DIPK2B: variants seen among roughly 807,000 people sequenced by gnomAD.
DIPK2B encodes UPF0672 protein CXorf36.
A neutral mutation model predicts 22.2 loss-of-function variants in DIPK2B; 15 were observed. That is an observed-to-expected ratio of 0.68 (90% confidence interval 0.45 to 1.04). The LOEUF (loss-of-function observed/expected upper bound fraction) is 1.04. DIPK2B is among the 50% of genes least tolerant of loss of function. The probability of loss-of-function intolerance (pLI) is 0.00; values close to 1 mark genes in which losing one functional copy is unlikely to be tolerated. For missense variants in DIPK2B, 345 were observed against 348.3 expected, an observed-to-expected ratio of 0.99 and a Z score of 0.08; for synonymous variants, 163 against 153.2, an observed-to-expected ratio of 1.06 and a Z score of -0.47.
chrX:45,199,941 A>T (rs1008756604), intron 1 of DIPK2B, among the ~76,000 whole-genome samples: 5 of 112,056 alleles, frequency 4.5e-5, no homozygotes, highest in Non-Finnish European at 9.4e-5. Flanking sequence ...TCCTCTGATC[A>T]AGGCAATCTC....
intron 2 of DIPK2B, among the ~76,000 whole-genome samples, chrX:45,177,110 C>A (rs1439136383): frequency 1.8e-5 from 2 of 109,638 alleles, no homozygotes; most frequent in Admixed American, 9.8e-5. Flanking sequence ...TGAGCCTGGG[C>A]AACATGGCAA....
chrX:45,155,088 A>G (rs1042665358), intron 3 of DIPK2B, among the ~76,000 whole-genome samples: 5 of 112,247 alleles, frequency 4.5e-5, no homozygotes, highest in Non-Finnish European at 7.5e-5. Context: ...AGCAGTTTGA[A>G]GCCAGCCTGG....
At position 45,179,138 on chromosome X, in the gene DIPK2B, C is replaced by T. The variant is rs371176797; in HGVS notation, c.498+12613G>A. Among the ~76,000 whole-genome samples, 13 of 111,053 alleles carry T rather than the reference C, an allele frequency of 1.2e-4. No homozygotes were observed. In the East Asian group the frequency reaches 2.0e-3, roughly 17 times the overall value. On this transcript the variant is annotated intron_variant, in intron 2 of 4. Coordinates refer to ENST00000398000, the MANE Select transcript of DIPK2B (RefSeq NM_176819.4). ...ACAACTGGGGGGTTGTGGGTAGAGG[C>T]CAGGGAGGCTGCTAAACATTCTACA...
intron 1 of DIPK2B, among the ~76,000 whole-genome samples, chrX:45,193,923 C>A (rs57081952): frequency 0.2 from 21,049 of 107,884 alleles, 1,852 homozygotes; most frequent in African/African-American, 0.31. Context: ...TCCCCACCCC[C>A]ACTCCCCGGC....
intron 2 of DIPK2B, among the ~76,000 whole-genome samples, chrX:45,174,429 T>C (rs2047104907): frequency 9.0e-6 from 1 of 111,459 alleles, no homozygotes; most frequent in Admixed American, 9.6e-5. Context: ...GTGACATATA[T>C]ACCACAAAGT....
At chrX:45,174,578 G>C (rs2047106071) in intron 2 of DIPK2B, among the ~76,000 whole-genome samples, 1 of 109,661 alleles carries the variant, frequency 9.1e-6, no homozygotes, top group Admixed American at 9.9e-5. Context: ...AGAATGAGTA[G>C]GATTTTGGCA....
chrX:45,152,111 A>G, intron 4 of DIPK2B, 119 bp from the exon 5 acceptor site: 1 of 657,515 alleles, frequency 1.5e-6, no homozygotes, highest in Admixed American at 3.8e-5. Flanking sequence ...TAATCCCAGC[A>G]CTTTGGGAGG....
intron 2 of DIPK2B, among the ~76,000 whole-genome samples, chrX:45,169,734 A>T (rs1415264455): frequency 1.8e-5 from 2 of 112,195 alleles, no homozygotes; most frequent in Non-Finnish European, 3.8e-5. Flanking sequence ...GGTAGTGTGG[A>T]GGGCCAAACA....
chrX:45,174,080 A>G lies in DIPK2B; in HGVS notation c.499-16192T>C, dbSNP rs746826325. Among the ~76,000 whole-genome samples the G allele has an allele frequency of 7.5e-4, 84 of 111,548 alleles. No homozygotes were observed. In the Middle Eastern group the frequency reaches 0.014, roughly 19 times the overall value. On this transcript the variant is annotated intron_variant, in intron 2 of 4. Transcript: ENST00000398000. Reference sequence around the variant, plus strand: ...GAGGCCCTAGAGAGAGAGGCCGCAAAGCCCGGAAAGGCCTGAGCTGAGAAG... The same window carrying G: ...GAGGCCCTAGAGAGAGAGGCCGCAAGGCCCGGAAAGGCCTGAGCTGAGAAG...
At chrX:45,155,541 C>G (rs1427326848) in intron 3 of DIPK2B, among the ~76,000 whole-genome samples, 1 of 109,454 alleles carries the variant, frequency 9.1e-6, no homozygotes, top group South Asian at 3.9e-4. Context: ...GTTTTGGGAA[C>G]TACTGTACTG....
At chrX:45,157,147 T>C (rs892226282) in intron 3 of DIPK2B, among the ~76,000 whole-genome samples, 4 of 110,903 alleles carry the variant, frequency 3.6e-5, no homozygotes, top group African/African-American at 1.3e-4. Flanking sequence ...ATTTTATGGG[T>C]GTTTGTTTCC....
chrX:45,149,697 C>A lies in DIPK2B; in HGVS notation c.*1955G>T, dbSNP rs150465715. On this transcript the variant is annotated 3_prime_UTR_variant, in exon 5 of 5. Coordinates refer to ENST00000398000, the MANE Select transcript of DIPK2B (RefSeq NM_176819.4). ...ATGGCTGCCATTGCTTTGAGGTCAC[C>A]CTGACAGTCTTGCTGAACCTTTCTT... 647 of 112,039 alleles carry A rather than the reference C, an allele frequency of 5.8e-3. No individual in the cohort carries two copies. Among genetic ancestry groups the A allele is most frequent in the Non-Finnish European group, 9.8e-3 (523 of 53,121 alleles). The allele number at this position is 112,039 out of a possible 1,213,427, so 9.2% of individuals were successfully genotyped here.
chrX:45,186,277 C>T (rs1378057575), intron 2 of DIPK2B, among the ~76,000 whole-genome samples: 1 of 111,299 alleles, frequency 9.0e-6, no homozygotes, highest in South Asian at 3.8e-4. Flanking sequence ...CCAGTTGGTT[C>T]CCCAAACTCC....
At chrX:45,177,523 A>T (rs1419689981) in intron 2 of DIPK2B, among the ~76,000 whole-genome samples, 7 of 109,596 alleles carry the variant, frequency 6.4e-5, no homozygotes, top group Non-Finnish European at 1.3e-4. Flanking sequence ...CTCTCTCTCC[A>T]TGTGATCCCT....
intron 2 of DIPK2B, among the ~76,000 whole-genome samples, chrX:45,160,941 C>T (rs1236174923): frequency 8.9e-6 from 1 of 111,885 alleles, no homozygotes; most frequent in Non-Finnish European, 1.9e-5. Context: ...TATGGCCACC[C>T]CAAATAAAGA....
intron 2 of DIPK2B, among the ~76,000 whole-genome samples, chrX:45,165,803 A>T (rs1478440408): frequency 8.9e-6 from 1 of 112,148 alleles, no homozygotes; most frequent in Non-Finnish European, 1.9e-5. Flanking sequence ...ATTTCGGCAC[A>T]AACTCGGTTT....
At chrX:45,189,561 C>G (rs762124513) in intron 2 of DIPK2B, among the ~76,000 whole-genome samples, 10 of 111,550 alleles carry the variant, frequency 9.0e-5, no homozygotes, top group Non-Finnish European at 1.7e-4. Flanking sequence ...TGCACTGAGC[C>G]GAGATGGCGC....
chrX:45,150,473 T>C lies in DIPK2B; in HGVS notation c.*1179A>G, dbSNP rs979466056. ...CAAGTTTGAATGAAAATTCCTAGAC[T>C]CCTTAGAGTCCCAACTCGGAGCATG... On this transcript the variant is annotated 3_prime_UTR_variant, in exon 5 of 5. Coordinates refer to ENST00000398000, the MANE Select transcript of DIPK2B (RefSeq NM_176819.4). 1 of 111,917 alleles carries C rather than the reference T, an allele frequency of 8.9e-6. No homozygotes were observed. The highest frequency in any genetic ancestry group is 1.9e-5 in the Non-Finnish European group (1 of 53,162). The allele number at this position is 111,917 out of a possible 1,213,427, so 9.2% of individuals were successfully genotyped here. A position where few individuals can be genotyped will look rare whatever the true frequency, so the allele number is the denominator to read the frequency against.
chrX:45,190,746 C>T (rs775627587), intron 2 of DIPK2B, among the ~76,000 whole-genome samples: 8 of 112,084 alleles, frequency 7.1e-5, no homozygotes, highest in African/African-American at 9.8e-5. Context: ...TCCCTATACC[C>T]TAGTGTCTAC....
Sources: gnomAD v4.1 joint callset for allele counts (sites outside exome capture counted in the v4.1 genomes callset) on GRCh38, gnomAD v4.1.1 for gene constraint, MANE v1.5 for transcripts, NCBI Gene and HGNC (gene_info 2026-07-23, HGNC 2026-07-21) for gene names.